The following FANCD2 variants were observed in gnomAD, a reference collection of about 807,000 sequenced individuals.
The protein encoded by FANCD2 is FA complementation group D2.
A neutral mutation model predicts 192.3 loss-of-function variants in FANCD2; 131 were observed. That is an observed-to-expected ratio of 0.68 (90% CI 0.59 to 0.79). FANCD2 has a LOEUF of 0.79. Among genes scored for constraint, FANCD2 ranks in the 30% least tolerant of loss-of-function variants. FANCD2 has a pLI of 0.00. For synonymous variants in FANCD2, 524 were observed against 612.5 expected, an observed-to-expected ratio of 0.86 and a Z score of 2.13; for missense variants, 1,508 against 1,701.6, an observed-to-expected ratio of 0.89 and a Z score of 2.00.
intron 23 of FANCD2, 104 bp from the exon 24 acceptor site, chr3:10,065,290 A>G (rs533411398): frequency 5.2e-5 from 44 of 850,568 alleles, no homozygotes; most frequent in African/African-American, 3.3e-5. Context: ...CTCTGTCTCA[A>G]AAAAAGAAGT....
Position 10,041,662 on chromosome 3 carries a change from C to T in FANCD2, c.735C>T (p.Ile245=), listed in dbSNP as rs1397041753. Residue 245 remains isoleucine, a synonymous_variant, in exon 10 of 44, where the codon ATC becomes ATT. Coordinates refer to ENST00000675286, the MANE Select transcript of FANCD2 (RefSeq NM_001018115.3). ...AGAATACTTCACTCACTGTCCCAAT[C>T]CTGGATGTCCTTTCAAGCCTCCGAC... ...LIENTSLTVP[I]LDVLSSLRLD... is the part of the protein sequence containing the mutation. 1 of 1,613,846 alleles carries T rather than the reference C, an allele frequency of 6.2e-7. No individual in the cohort carries two copies. Among genetic ancestry groups the T allele is most frequent in the African/African-American group, 1.3e-5 (1 of 74,992 alleles).
At chr3:10,054,761 G>A (rs1210894890) in intron 18 of FANCD2, among the ~76,000 whole-genome samples, 1 of 150,904 alleles carries the variant, frequency 6.6e-6, no homozygotes, top group African/African-American at 2.4e-5. Flanking sequence ...GGGATTACAG[G>A]CCTGAGCCAC....
intron 7 of FANCD2, chr3:10,037,664 T>C (rs2086764809): frequency 1.3e-5 from 2 of 152,348 alleles, no homozygotes; most frequent in South Asian, 4.1e-4. Context: ...TGAAAAAGAT[T>C]ACTCTTTAAA....
chr3:10,042,468 G>A, intron 10 of FANCD2, 91 bp from the exon 11 acceptor site: 1 of 1,050,002 alleles, frequency 9.5e-7, no homozygotes, highest in Non-Finnish European at 1.5e-6. Flanking sequence ...AGTAAGAGAA[G>A]TGATTTTTTT....
At chr3:10,058,906 T>A (rs1301197075) in intron 18 of FANCD2, among the ~76,000 whole-genome samples, 1 of 152,246 alleles carries the variant, frequency 6.6e-6, no homozygotes, top group Non-Finnish European at 1.5e-5. Context: ...AGGATTGCAC[T>A]GAATCACTTT....
intron 37 of FANCD2, among the ~76,000 whole-genome samples, chr3:10,090,721 G>C (rs1181611291): frequency 2.0e-5 from 3 of 152,206 alleles, no homozygotes. Flanking sequence ...GCCTCCCAAA[G>C]TGCTGAGATT....
intron 28 of FANCD2, among the ~76,000 whole-genome samples, chr3:10,074,039 G>A (rs1343445039): frequency 2.0e-5 from 3 of 152,052 alleles, no homozygotes; most frequent in Admixed American, 6.6e-5. Flanking sequence ...TCCACCTCCC[G>A]GGTTCAAGCG....
intron 2 of FANCD2, 67 bp downstream of exon 2, chr3:10,028,788 G>C: frequency 7.5e-7 from 1 of 1,341,766 alleles, no homozygotes; most frequent in Non-Finnish European, 1.1e-6. Context: ...GAGATATAAA[G>C]TTCCTGCTTT....
Position 10,034,477 on chromosome 3 carries a change from CA to C in FANCD2, c.217del (p.Ile73Ter). On this transcript the variant is annotated frameshift_variant, in exon 4 of 44. Coordinates refer to ENST00000675286, the MANE Select transcript of FANCD2 (RefSeq NM_001018115.3). LOFTEE classifies it high-confidence loss of function. ...TTCTTTTTTCTGCATAGCTGTGGAT[CA>C]AATAGCTTTCCAAAAGAAGCTCTTT... ...GESQNQLAVD[Q>X]IAFQKKLFQT... 1 of 1,612,090 alleles carries C rather than the reference CA, an allele frequency of 6.2e-7. No homozygotes were observed. The highest frequency in any genetic ancestry group is 8.5e-7 in the Non-Finnish European group (1 of 1,178,316).
intron 26 of FANCD2, among the ~76,000 whole-genome samples, chr3:10,068,243 C>T (rs571185415): frequency 1.3e-5 from 2 of 152,008 alleles, no homozygotes; most frequent in Admixed American, 6.6e-5. Flanking sequence ...TTTGGAAAAG[C>T]CTAAAGACTC....
intron 3 of FANCD2, among the ~76,000 whole-genome samples, chr3:10,033,227 C>T (rs1559369855): frequency 6.6e-6 from 1 of 152,106 alleles, no homozygotes; most frequent in Admixed American, 6.6e-5. Flanking sequence ...GCCTGGGCAA[C>T]ACGTCTCTAC....
chr3:10,049,607 G>A (rs1559379944), intron 17 of FANCD2, 102 bp downstream of exon 17: 3 of 1,155,766 alleles, frequency 2.6e-6, no homozygotes, highest in Middle Eastern at 5.2e-4. Context: ...AATAAAAAGT[G>A]ACTATTCTAT....
At position 10,098,836 on chromosome 3, in the gene FANCD2, AGAGTCTGG is replaced by A. The variant is rs878855172; in HGVS notation, c.4281+22_4281+29del. ...CTGAGGTATCTCTACAAAACCCACC[AGAGTCTGG>A]CACTGATGGTTGCATTTTGTTAATT... On this transcript the variant is annotated intron_variant, in intron 43 of 43. Transcript: ENST00000675286. The A allele has an allele frequency of 3.1e-6, 5 of 1,614,104 alleles. No homozygotes were observed. Among genetic ancestry groups the A allele is most frequent in the African/African-American group, 2.7e-5 (2 of 74,936 alleles).
In FANCD2 at chr3:10,090,337, G is replaced by T; in HGVS notation, c.3729G>T (p.Glu1243Asp). 1 of 1,610,156 alleles carries T rather than the reference G, an allele frequency of 6.2e-7. No individual in the cohort carries two copies. Among genetic ancestry groups the T allele is most frequent in the Non-Finnish European group, 8.5e-7 (1 of 1,177,854 alleles). The change falls in exon 37 of 44, where the codon GAG becomes GAT. Residue 1243 changes from glutamate (E) to aspartate (D), a missense_variant. Glu to Asp is a conservative substitution (Grantham distance 45). Transcript: ENST00000675286. ...TCCGTGTGATGATGGCTGAACTAGA[G>T]AAGACGGTGAAAAAAATTGAGCCTG... ...VFFRVMMAELEKTVKKIEPGT... is the reference protein window; with the variant it reads ...VFFRVMMAELDKTVKKIEPGT...
chr3:10,049,682 G>T (rs943420897), intron 17 of FANCD2, among the ~76,000 whole-genome samples, 177 bp downstream of exon 17: 11 of 152,214 alleles, frequency 7.2e-5, no homozygotes, highest in African/African-American at 2.6e-4. Context: ...CTCTATTCTG[G>T]GTGCTGTGAA....
intron 43 of FANCD2, among the ~76,000 whole-genome samples, chr3:10,100,327 C>T (rs904726152): frequency 2.0e-5 from 3 of 152,200 alleles, no homozygotes; most frequent in Admixed American, 6.5e-5. Flanking sequence ...GTATCGTAAG[C>T]CAGACAGAAC....
At position 10,053,250 on chromosome 3, in the gene FANCD2, T is replaced by C. The variant is rs564084457; in HGVS notation, c.1656+753T>C. Among the ~76,000 whole-genome samples, 181 of 151,104 alleles carry C rather than the reference T, an allele frequency of 1.2e-3. 2 individuals carry two copies. The highest frequency in any genetic ancestry group is 4.2e-3 in the African/African-American group (171 of 41,066). ...GTAGGGACATGGATGAAATTGGAAA[T>C]CATCATTCTCAGTAAACTATCGCAA... On this transcript the variant is annotated intron_variant, in intron 18 of 43. Transcript: ENST00000675286.
At chr3:10,048,973 C>G (rs1375506414) in intron 16 of FANCD2, among the ~76,000 whole-genome samples, 3 of 152,146 alleles carry the variant, frequency 2.0e-5, no homozygotes, top group African/African-American at 7.2e-5. Flanking sequence ...GCAAGTCTAG[C>G]CTGTACTATA....
At chr3:10,028,763 G>A (rs1193034553) in intron 2 of FANCD2, 42 bp downstream of exon 2, 2 of 1,512,512 alleles carry the variant, frequency 1.3e-6, no homozygotes, top group Non-Finnish European at 1.8e-6. Flanking sequence ...CTGTAGCAAT[G>A]TGTGAGGCAT....
Sources: gnomAD v4.1 joint callset for allele counts (sites outside exome capture counted in the v4.1 genomes callset) on GRCh38, gnomAD v4.1.1 for gene constraint, MANE v1.5 for transcripts, NCBI Gene and HGNC (gene_info 2026-07-23, HGNC 2026-07-21) for gene names.